PHLDB2: variants seen among roughly 807,000 people sequenced by gnomAD.
PHLDB2 encodes pleckstrin homology-like domain family B member 2.
PHLDB2 carries 71 observed loss-of-function variants against 123.6 expected under a neutral mutation model. That is an observed-to-expected ratio of 0.57 (90% CI 0.47 to 0.70). The LOEUF is 0.70. PHLDB2 is among the 30% of genes least tolerant of loss of function. The pLI is 0.00. For synonymous variants in PHLDB2, 547 were observed against 541.6 expected (o/e 1.01, Z -0.14); for missense variants, 1,446 against 1,519.5 (o/e 0.95, Z 0.80).
At chr3:111,930,414 T>TTC (rs960341666) in intron 5 of PHLDB2, among the ~76,000 whole-genome samples, 1 of 149,650 alleles carries the variant, frequency 6.7e-6, no homozygotes, top group African/African-American at 2.5e-5. Context: ...AGTAGTCTTC[T>TTC]TTTTTAAATT....
chr3:111,817,632 G>T (rs530108180), intron 1 of PHLDB2, among the ~76,000 whole-genome samples: 2 of 152,256 alleles, frequency 1.3e-5, no homozygotes, highest in South Asian at 2.1e-4. Flanking sequence ...CTAGCATTTT[G>T]TTAGACCTTT....
chr3:111,887,638 A>C (rs1303395777), intron 2 of PHLDB2, among the ~76,000 whole-genome samples: 1 of 152,194 alleles, frequency 6.6e-6, no homozygotes, highest in South Asian at 2.1e-4. Context: ...TAAAACATTA[A>C]AAATAATACT....
chr3:111,825,799 G>A (rs1479079100), intron 1 of PHLDB2, among the ~76,000 whole-genome samples: 2 of 151,942 alleles, frequency 1.3e-5, no homozygotes, highest in Non-Finnish European at 2.9e-5. Context: ...TCTTTATGAA[G>A]GTTTTTTTAA....
At chr3:111,839,230 A>G (rs2108538950) in intron 1 of PHLDB2, among the ~76,000 whole-genome samples, 1 of 152,318 alleles carries the variant, frequency 6.6e-6, no homozygotes, top group African/African-American at 2.4e-5. Context: ...AGTCAGAAAA[A>G]CTAAATATAA....
intron 5 of PHLDB2, among the ~76,000 whole-genome samples, chr3:111,921,437 A>G (rs138292332): frequency 1.1e-3 from 162 of 152,316 alleles, no homozygotes; most frequent in African/African-American, 3.8e-3. Context: ...TTTAAGACCT[A>G]TAAATAAGGG....
chr3:111,958,154 T>A, intron 12 of PHLDB2: 1 of 501,188 alleles, frequency 2.0e-6, no homozygotes. Context: ...GTGTTGTATG[T>A]TTTTCCTGCC....
intron 9 of PHLDB2, among the ~76,000 whole-genome samples, chr3:111,946,581 T>A (rs1206968073): frequency 6.6e-6 from 1 of 152,246 alleles, no homozygotes; most frequent in Non-Finnish European, 1.5e-5. Context: ...CATAGTTTCT[T>A]TTCATTATTC....
rs116569047 is a variant in PHLDB2 at position 111,886,773 on chromosome 3, G to A, written c.1335+1361G>A. Among the ~76,000 whole-genome samples, 278 of 152,308 alleles carry A rather than the reference G, an allele frequency of 1.8e-3. 3 individuals are homozygous for A. The highest frequency in any genetic ancestry group is 6.3e-3 in the African/African-American group (263 of 41,562). On this transcript the variant is annotated intron_variant, in intron 2 of 17. Coordinates refer to ENST00000431670, the MANE Select transcript of PHLDB2 (RefSeq NM_001134438.2). ...GAGTGGGTCAGTTATACAGTACTCA[G>A]TATGACTTTCCTCTTTATTACCATA... is the stretch of plus-strand genomic sequence containing the variant.
intron 1 of PHLDB2, among the ~76,000 whole-genome samples, chr3:111,746,800 A>T (rs4682057): frequency 0.37 from 56,817 of 152,128 alleles, 13,033 homozygotes; most frequent in South Asian, 0.55. Context: ...GAAAAAGGAA[A>T]AACAAATATG....
intron 2 of PHLDB2, among the ~76,000 whole-genome samples, chr3:111,897,403 C>T (rs2066938267): frequency 6.6e-6 from 1 of 152,148 alleles, no homozygotes; most frequent in Non-Finnish European, 1.5e-5. Flanking sequence ...CTGAGTTATA[C>T]TTAGTGGGAG....
At position 111,967,747 on chromosome 3, in the gene PHLDB2, C is replaced by T. The variant is rs183874181; in HGVS notation, c.3238C>T (p.Arg1080Ter). ...ACGACGCCGGGAAATCCTGGAAAAA[C>T]GATTACAGGAAGAAACTAGCCAGAG... ...EKRRREILEK[R>*]LQEETSQRQK... Residue 1080 changes from arginine to a stop codon, truncating the protein, a stop_gained, in exon 15 of 18, where the codon CGA becomes TGA. Coordinates refer to ENST00000431670, the MANE Select transcript of PHLDB2 (RefSeq NM_001134438.2). LOFTEE classifies it high-confidence loss of function. 3 of 1,612,646 alleles carry T rather than the reference C, an allele frequency of 1.9e-6. No homozygotes were observed. The highest frequency in any genetic ancestry group is 2.5e-6 in the Non-Finnish European group (3 of 1,179,488).
At chr3:111,930,759 G>A (rs1375467106) in intron 5 of PHLDB2, among the ~76,000 whole-genome samples, 1 of 152,194 alleles carries the variant, frequency 6.6e-6, no homozygotes, top group Non-Finnish European at 1.5e-5. Context: ...TGTACAGTGA[G>A]CAAACTTACC....
chr3:111,776,480 C>G (rs1032397351), intron 1 of PHLDB2, among the ~76,000 whole-genome samples: 1 of 152,056 alleles, frequency 6.6e-6, no homozygotes, highest in Admixed American at 6.6e-5. Flanking sequence ...CTACATTGCA[C>G]CTCTCACTCC....
intron 6 of PHLDB2, among the ~76,000 whole-genome samples, chr3:111,938,884 C>T (rs1381838466): frequency 5.3e-5 from 8 of 152,020 alleles, no homozygotes; most frequent in Admixed American, 2.0e-4. Context: ...GGCACAATCT[C>T]GGCTCACTGC....
intron 9 of PHLDB2, among the ~76,000 whole-genome samples, chr3:111,946,041 A>ATT (rs1231959033): frequency 2.7e-5 from 4 of 147,148 alleles, no homozygotes; most frequent in African/African-American, 5.1e-5. Context: ...ATATATATAT[A>ATT]TATTTTTTGA....
chr3:111,909,033 C>A (rs867698822), intron 2 of PHLDB2, among the ~76,000 whole-genome samples: 6 of 152,318 alleles, frequency 3.9e-5, no homozygotes, highest in South Asian at 2.1e-4. Context: ...AAGACCCCAT[C>A]TCTCTAGCCA....
At chr3:111,910,282 A>G (rs2067810302) in intron 2 of PHLDB2, among the ~76,000 whole-genome samples, 1 of 152,214 alleles carries the variant, frequency 6.6e-6, no homozygotes, top group African/African-American at 2.4e-5. Context: ...TGGCGAAAAA[A>G]ATAAAAAATA....
chr3:111,822,510 T>TCTC (rs1407939184), intron 1 of PHLDB2, among the ~76,000 whole-genome samples: 1 of 152,018 alleles, frequency 6.6e-6, no homozygotes, highest in Non-Finnish European at 1.5e-5. Context: ...GAATTGAAAA[T>TCTC]CTCCTTGAGC....
chr3:111,805,587 T>C (rs2061548162), intron 1 of PHLDB2, among the ~76,000 whole-genome samples: 1 of 149,092 alleles, frequency 6.7e-6, no homozygotes, highest in African/African-American at 2.5e-5. Flanking sequence ...AATTACTGGA[T>C]AAATGCAACA....
Sources: allele counts gnomAD v4.1 joint callset (sites outside exome capture counted in the v4.1 genomes callset), GRCh38; gene constraint gnomAD v4.1.1; transcripts MANE v1.5; gene names NCBI Gene and HGNC (gene_info 2026-07-23, HGNC 2026-07-21).